The following RANBP2 variants were observed in gnomAD, a reference collection of about 807,000 sequenced individuals.
The protein encoded by RANBP2 is E3 SUMO-protein ligase RanBP2.
RANBP2 carries 57 observed loss-of-function variants against 303.6 expected under a neutral mutation model. The ratio of observed to expected loss-of-function variants is 0.19; its 90% CI spans 0.15 to 0.23. RANBP2 has a LOEUF of 0.23. RANBP2 is among the 10% of genes least tolerant of loss of function. The probability of loss-of-function intolerance (pLI) is 1.00; values close to 1 mark genes in which losing one functional copy is unlikely to be tolerated. For synonymous variants in RANBP2, 1,167 were observed against 1,301.5 expected (o/e 0.90, Z 2.23); for missense variants, 3,138 against 3,780.8 (o/e 0.83, Z 4.46).
the RANBP2 span, among the ~76,000 whole-genome samples, chr2:109,646,242 G>A: frequency 2.0e-5 from 3 of 152,130 alleles, no homozygotes; most frequent in South Asian, 2.1e-4. Context: ...CTAGGACCAG[G>A]GTCAGGTGTG....
chr2:108,737,441 C>T (rs1276872371), intron 6 of RANBP2, among the ~76,000 whole-genome samples: 5 of 149,342 alleles, frequency 3.3e-5, no homozygotes, highest in African/African-American at 1.2e-4. Flanking sequence ...CTGGTTCAGG[C>T]GATTCTCCTG....
chr2:109,290,183 G>A, the RANBP2 span, among the ~76,000 whole-genome samples: 1 of 152,158 alleles, frequency 6.6e-6, no homozygotes, highest in Non-Finnish European at 1.5e-5. Flanking sequence ...TCTTTGTCCG[G>A]GTGGCTTAGG....
At chr2:109,235,175 G>C in the RANBP2 span, among the ~76,000 whole-genome samples, 1 of 152,206 alleles carries the variant, frequency 6.6e-6, no homozygotes, top group Non-Finnish European at 1.5e-5. Flanking sequence ...AAACACTTCA[G>C]AGCGGGAGGA....
chr2:108,735,493 G>A, intron 4 of RANBP2, 39 bp from the exon 5 acceptor site: 2 of 1,596,940 alleles, frequency 1.3e-6, no homozygotes, highest in Non-Finnish European at 1.7e-6. Flanking sequence ...AATTGCACAA[G>A]TGTTACTCTA....
the RANBP2 span, among the ~76,000 whole-genome samples, chr2:109,551,637 T>C: frequency 1.3e-5 from 2 of 152,224 alleles, no homozygotes; most frequent in Admixed American, 6.5e-5. Flanking sequence ...ACTTTTCTGT[T>C]GTTTGAACTT....
chr2:109,084,574 A>T, the RANBP2 span, among the ~76,000 whole-genome samples: 144,847 of 152,258 alleles, frequency 0.95, 69,288 homozygotes, highest in Non-Finnish European at 1. Flanking sequence ...TCTGTAGGAT[A>T]CTAGAGTGTA....
the RANBP2 span, among the ~76,000 whole-genome samples, chr2:109,194,912 AAAAG>A: frequency 6.6e-6 from 1 of 152,176 alleles, no homozygotes; most frequent in East Asian, 1.9e-4. Context: ...AGAAAAAAGA[AAAAG>A]AAAAAAATCC....
the RANBP2 span, among the ~76,000 whole-genome samples, chr2:109,234,936 G>A: frequency 1.3e-5 from 2 of 152,294 alleles, no homozygotes; most frequent in Admixed American, 1.3e-4. Context: ...CTGAGTTGTT[G>A]TATGAGTGTC....
At chr2:109,429,208 G>A in the RANBP2 span, among the ~76,000 whole-genome samples, 1 of 152,174 alleles carries the variant, frequency 6.6e-6, no homozygotes, top group Admixed American at 6.5e-5. Flanking sequence ...GACAGCAGAT[G>A]CAGTTGACCC....
chr2:109,618,798 T>G, the RANBP2 span: 12 of 167,136 alleles, frequency 7.2e-5, no homozygotes, highest in South Asian at 1.9e-3. Flanking sequence ...TAGTGAGTGT[T>G]TGTCACATTT....
the RANBP2 span, among the ~76,000 whole-genome samples, chr2:109,554,084 A>C: frequency 6.6e-6 from 1 of 152,188 alleles, no homozygotes; most frequent in Admixed American, 6.5e-5. Flanking sequence ...AATATTAAAC[A>C]CTGAAATAAA....
the RANBP2 span, among the ~76,000 whole-genome samples, chr2:108,983,622 C>T: frequency 2.0e-5 from 3 of 152,206 alleles, no homozygotes; most frequent in South Asian, 6.2e-4. Flanking sequence ...TTCCCAGAGA[C>T]AGGTATCCTC....
chr2:109,066,842 G>A, the RANBP2 span, among the ~76,000 whole-genome samples: 12 of 152,166 alleles, frequency 7.9e-5, no homozygotes, highest in Non-Finnish European at 1.2e-4. Flanking sequence ...GACAAAGGGA[G>A]AAGAGCAGCC....
the RANBP2 span, among the ~76,000 whole-genome samples, chr2:108,972,833 A>G: frequency 1.3e-5 from 2 of 152,208 alleles, no homozygotes; most frequent in East Asian, 1.9e-4. Flanking sequence ...AACCTCCCCA[A>G]CCTTGGCTAG....
At chr2:108,724,702 C>G (rs1425386110) in intron 1 of RANBP2, among the ~76,000 whole-genome samples, 4 of 151,964 alleles carry the variant, frequency 2.6e-5, no homozygotes, top group African/African-American at 9.7e-5. Context: ...TTATTCTCCT[C>G]TTTTGTTTGT....
the RANBP2 span, among the ~76,000 whole-genome samples, chr2:108,936,891 C>G: frequency 2.0e-5 from 3 of 152,236 alleles, no homozygotes; most frequent in African/African-American, 7.2e-5. Context: ...ACTTAGTGTC[C>G]TGCTGGCCTT....
the RANBP2 span, among the ~76,000 whole-genome samples, chr2:109,330,481 C>T: frequency 6.6e-6 from 1 of 152,094 alleles, no homozygotes; most frequent in African/African-American, 2.4e-5. Flanking sequence ...TCCTTACGAA[C>T]TTTGTAAGAA....
chr2:109,486,910 G>A, the RANBP2 span, among the ~76,000 whole-genome samples: 2 of 152,194 alleles, frequency 1.3e-5, no homozygotes, highest in Non-Finnish European at 2.9e-5. Flanking sequence ...GAGACGTTTT[G>A]TTCCTAACAG....
At chr2:109,371,591 G>C in the RANBP2 span, 4 of 1,613,990 alleles carry the variant, frequency 2.5e-6, no homozygotes, top group Non-Finnish European at 3.4e-6. Context: ...TGCAGGACGA[G>C]ATTCTGACGG....
Sources: gnomAD v4.1 joint callset for allele counts (sites outside exome capture counted in the v4.1 genomes callset) on GRCh38, gnomAD v4.1.1 for gene constraint, MANE v1.5 for transcripts, NCBI Gene and HGNC (gene_info 2026-07-23, HGNC 2026-07-21) for gene names.